The following LRRC37A2 variants were observed in gnomAD, a reference collection of about 807,000 sequenced individuals.
LRRC37A2 encodes leucine-rich repeat-containing protein 37A2.
LRRC37A2 carries 9 observed loss-of-function variants against 68.8 expected under a neutral mutation model. The ratio of observed to expected loss-of-function variants is 0.13; its 90% CI spans 0.08 to 0.23. LRRC37A2 has a LOEUF of 0.23. Ranked by LOEUF, LRRC37A2 falls within the 10% of genes least tolerant of loss-of-function variation. LRRC37A2 has a pLI of 1.00. For missense variants in LRRC37A2, 168 were observed against 950.4 expected, an observed-to-expected ratio of 0.18 and a Z score of 10.82; for synonymous variants, 63 against 367.6, an observed-to-expected ratio of 0.17 and a Z score of 9.48.
At chr17:46,874,826 C>T in the LRRC37A2 span, 1 of 582,880 alleles carries the variant, frequency 1.7e-6, no homozygotes, top group Non-Finnish European at 3.1e-6. Context: ...GATCCGCCCG[C>T]CTTGGCCTCC....
chr17:46,721,209 C>T, the LRRC37A2 span, among the ~76,000 whole-genome samples: 1 of 152,236 alleles, frequency 6.6e-6, no homozygotes, highest in Non-Finnish European at 1.5e-5. Context: ...CCCCTCCAGC[C>T]TGTGTCGTAC....
the LRRC37A2 span, among the ~76,000 whole-genome samples, chr17:46,707,868 C>T: frequency 2.0e-5 from 3 of 151,924 alleles, no homozygotes; most frequent in Non-Finnish European, 4.4e-5. Flanking sequence ...CCCATCTCTA[C>T]TAAAAAATAC....
At chr17:46,927,850 C>T in the LRRC37A2 span, among the ~76,000 whole-genome samples, 1 of 152,134 alleles carries the variant, frequency 6.6e-6, no homozygotes, top group South Asian at 2.1e-4. Flanking sequence ...TACCTCCCCC[C>T]TTTTTATTAT....
chr17:46,979,065 G>A, the LRRC37A2 span: 2 of 1,325,738 alleles, frequency 1.5e-6, no homozygotes, highest in Admixed American at 4.2e-5. Flanking sequence ...GCTGCTCGCC[G>A]GGGTCCGCGC....
chr17:46,859,523 T>C, the LRRC37A2 span, among the ~76,000 whole-genome samples: 1 of 152,216 alleles, frequency 6.6e-6, no homozygotes, highest in Non-Finnish European at 1.5e-5. Flanking sequence ...GCCAATACTA[T>C]ACAGCCTTGA....
chr17:46,543,574 G>T (rs965387337), intron 8 of LRRC37A2, among the ~76,000 whole-genome samples: 3 of 150,838 alleles, frequency 2.0e-5, no homozygotes, highest in African/African-American at 7.5e-5. Flanking sequence ...AGAATGCCTT[G>T]GTTCTTAGGG....
the LRRC37A2 span, among the ~76,000 whole-genome samples, chr17:46,983,149 G>A: frequency 6.6e-6 from 1 of 152,084 alleles, no homozygotes; most frequent in Non-Finnish European, 1.5e-5. Context: ...TGGGGGCAGA[G>A]TTCTATTTTA....
At chr17:46,852,471 G>A in the LRRC37A2 span, among the ~76,000 whole-genome samples, 1 of 150,806 alleles carries the variant, frequency 6.6e-6, no homozygotes, top group African/African-American at 2.4e-5. Context: ...ATCACAGTGG[G>A]GGGTGACACC....
the LRRC37A2 span, among the ~76,000 whole-genome samples, chr17:46,379,875 T>TG: frequency 7.0e-5 from 3 of 42,640 alleles, 1 homozygote; most frequent in Admixed American, 5.7e-4. Flanking sequence ...TGTTTTTTTT[T>TG]TTTTTTTTTT....
chr17:46,804,484 A>T, the LRRC37A2 span, among the ~76,000 whole-genome samples: 1 of 152,042 alleles, frequency 6.6e-6, no homozygotes, highest in Non-Finnish European at 1.5e-5. Context: ...TGGGGAAGGG[A>T]AGTGCTGTAA....
the LRRC37A2 span, among the ~76,000 whole-genome samples, chr17:46,745,990 GACTCA>G: frequency 6.6e-6 from 1 of 152,126 alleles, no homozygotes; most frequent in Admixed American, 6.5e-5. Flanking sequence ...CATTCCTTAC[GACTCA>G]ACTCATGTAT....
chr17:46,914,447 G>A, the LRRC37A2 span, among the ~76,000 whole-genome samples: 3 of 151,862 alleles, frequency 2.0e-5, no homozygotes, highest in Non-Finnish European at 4.4e-5. Context: ...TCAGGAGTTC[G>A]AGACCAGCCT....
chr17:46,803,170 C>A, the LRRC37A2 span, among the ~76,000 whole-genome samples: 1 of 152,244 alleles, frequency 6.6e-6, no homozygotes, highest in Non-Finnish European at 1.5e-5. Flanking sequence ...CAGAAGTCTT[C>A]TGTACCAATT....
the LRRC37A2 span, among the ~76,000 whole-genome samples, chr17:46,778,944 A>G: frequency 6.6e-6 from 1 of 151,902 alleles, no homozygotes; most frequent in Admixed American, 6.6e-5. Context: ...TCTTATCCCA[A>G]AGTGCTGAAC....
the LRRC37A2 span, among the ~76,000 whole-genome samples, chr17:46,675,716 CAT>C: frequency 1.0e-4 from 13 of 129,982 alleles, 3 homozygotes; most frequent in East Asian, 2.7e-3. Context: ...CTAATACTAA[CAT>C]ATTTTTTTCA....
the LRRC37A2 span, chr17:46,885,540 T>C: frequency 1.3e-5 from 2 of 152,820 alleles, no homozygotes; most frequent in African/African-American, 4.8e-5. Context: ...TGGTCTCAAG[T>C]GATCTGCCAG....
At chr17:46,941,198 G>A in the LRRC37A2 span, 5 of 1,002,072 alleles carry the variant, frequency 5.0e-6, no homozygotes, top group Non-Finnish European at 6.0e-6. Flanking sequence ...CAAACTCCAA[G>A]ACCAAGTAAG....
At chr17:46,740,467 G>A in the LRRC37A2 span, among the ~76,000 whole-genome samples, 1 of 152,122 alleles carries the variant, frequency 6.6e-6, no homozygotes, top group South Asian at 2.1e-4. Flanking sequence ...GAACACAGGG[G>A]TCAATTTAGG....
At chr17:46,972,180 G>A in the LRRC37A2 span, among the ~76,000 whole-genome samples, 12 of 152,194 alleles carry the variant, frequency 7.9e-5, no homozygotes, top group Admixed American at 7.2e-4. Context: ...CCCTGGGGCT[G>A]GGCTGGGGCA....
Sources: allele counts gnomAD v4.1 joint callset (sites outside exome capture counted in the v4.1 genomes callset), GRCh38; gene constraint gnomAD v4.1.1; transcripts MANE v1.5; gene names NCBI Gene and HGNC (gene_info 2026-07-23, HGNC 2026-07-21).